CCDC171: variants seen among roughly 807,000 people sequenced by gnomAD.
CCDC171 encodes coiled-coil domain-containing protein 171.
CCDC171 carries 177 observed loss-of-function variants against 168.2 expected under a neutral mutation model. The observed-to-expected ratio is 1.05, with a 90% CI of 0.93 to 1.19. CCDC171 has a LOEUF of 1.19. Ranked by LOEUF, CCDC171 falls within the 50% of genes most tolerant of loss-of-function variation. The pLI, the probability that CCDC171 is intolerant of heterozygous loss-of-function variation, is 0.00. For missense variants in CCDC171, 1,991 were observed against 1,539.0 expected (o/e 1.29, Z -4.91); for synonymous variants, 687 against 540.8 (o/e 1.27, Z -3.75).
At chr9:15,692,224 A>T (rs1015525433) in intron 10 of CCDC171, among the ~76,000 whole-genome samples, 11 of 151,990 alleles carry the variant, frequency 7.2e-5, no homozygotes, top group African/African-American at 2.7e-4. Flanking sequence ...AAAAACACAA[A>T]AATTAGCTGG....
intron 11 of CCDC171, among the ~76,000 whole-genome samples, chr9:15,712,926 T>C (rs1229899003): frequency 6.6e-6 from 1 of 152,220 alleles, no homozygotes; most frequent in Non-Finnish European, 1.5e-5. Context: ...TTGATATCCA[T>C]AGAATACTTC....
intron 9 of CCDC171, among the ~76,000 whole-genome samples, chr9:15,671,723 G>A (rs2049126437): frequency 6.6e-6 from 1 of 152,124 alleles, no homozygotes. Flanking sequence ...ATTCCATAGT[G>A]TATATGTGCC....
Position 15,774,096 on chromosome 9 carries a change from A to G in CCDC171, c.2672-3504A>G, listed in dbSNP as rs181638602. Among the ~76,000 whole-genome samples the G allele has an allele frequency of 5.8e-3, 875 of 151,936 alleles. 3 individuals are homozygous for G. Among genetic ancestry groups the G allele is most frequent in the Non-Finnish European group, 9.8e-3 (666 of 67,956 alleles). The stretch of plus-strand genomic sequence containing the variant: ...CCCTGTCTCTACTAAAAATATAAAA[A>G]TTAGCTGGGTGTGGTGGTGGGCATC... On this transcript the variant is annotated intron_variant, in intron 18 of 25. Transcript: ENST00000380701.
Position 15,795,674 on chromosome 9 carries a change from C to A in CCDC171, c.3267+10980C>A, listed in dbSNP as rs141846890. ...TTAAGCCTCAGAGACTAGGAGAGAT[C>A]TACCTGTGTAAAGCTAGGCATCTGG... On this transcript the variant is annotated intron_variant, in intron 21 of 25. Transcript: ENST00000380701. Among the ~76,000 whole-genome samples the A allele has an allele frequency of 2.6e-5, 4 of 152,298 alleles. No homozygotes were observed. The East Asian group carries it at 7.7e-4, about 29-fold the overall frequency.
In CCDC171 at chr9:15,578,986, A is replaced by G. The variant is rs1212770539; in HGVS notation, c.315A>G (p.Arg105=). The G allele has an allele frequency of 3.5e-5, 56 of 1,613,972 alleles. No homozygotes were observed. Among genetic ancestry groups the G allele is most frequent in the Non-Finnish European group, 4.6e-5 (54 of 1,179,998 alleles). The change falls in exon 4 of 26, where the codon AGA becomes AGG. Residue 105 remains arginine (R), a synonymous_variant. Coordinates refer to ENST00000380701, the MANE Select transcript of CCDC171 (RefSeq NM_173550.4). ...AGLGRRAAEE[R]LAEAHRIQEK... The stretch of plus-strand genomic sequence containing the variant: ...TTGGAAGACGGGCTGCTGAAGAAAG[A>G]TTAGCCGAGGCACATAGGATCCAAG...
intron 24 of CCDC171, among the ~76,000 whole-genome samples, chr9:15,893,287 G>A (rs928241138): frequency 6.6e-6 from 1 of 152,056 alleles, no homozygotes; most frequent in Non-Finnish European, 1.5e-5. Flanking sequence ...ATTAACTCAA[G>A]ATGGATTAAA....
chr9:15,873,880 A>G (rs952175799), intron 23 of CCDC171, among the ~76,000 whole-genome samples: 3 of 152,062 alleles, frequency 2.0e-5, no homozygotes, highest in African/African-American at 7.2e-5. Context: ...ATAGAGTACA[A>G]ATACTACTGA....
At chr9:16,068,577 A>G in the CCDC171 span, among the ~76,000 whole-genome samples, 1 of 152,122 alleles carries the variant, frequency 6.6e-6, no homozygotes, top group Non-Finnish European at 1.5e-5. Flanking sequence ...AAGTTATTTA[A>G]CTTTTCCGCT....
At chr9:16,007,791 G>A (rs200187274) in intron 3 of CCDC171, among the ~76,000 whole-genome samples, 2 of 152,104 alleles carry the variant, frequency 1.3e-5, no homozygotes, top group African/African-American at 2.4e-5. Context: ...ATTGGTCTAT[G>A]TCTCTGTTTT....
At chr9:15,616,193 C>T (rs549853249) in intron 6 of CCDC171, among the ~76,000 whole-genome samples, 33 of 152,122 alleles carry the variant, frequency 2.2e-4, no homozygotes, top group African/African-American at 7.7e-4. Context: ...CTCAAGTGAT[C>T]TGCCCCCTTT....
intron 18 of CCDC171, among the ~76,000 whole-genome samples, chr9:15,753,992 A>T (rs180924643): frequency 6.6e-6 from 1 of 152,180 alleles, no homozygotes; most frequent in African/African-American, 2.4e-5. Flanking sequence ...GTTTGTTTAT[A>T]TAATATTTTT....
intron 7 of CCDC171, among the ~76,000 whole-genome samples, 188 bp downstream of exon 7, chr9:15,623,601 G>C (rs990895867): frequency 3.3e-5 from 5 of 150,766 alleles, no homozygotes; most frequent in African/African-American, 1.2e-4. Flanking sequence ...TGTATATTTG[G>C]CTTCTTTGAA....
At chr9:15,594,687 T>C (rs983017595) in intron 6 of CCDC171, among the ~76,000 whole-genome samples, 4 of 152,158 alleles carry the variant, frequency 2.6e-5, no homozygotes, top group African/African-American at 9.6e-5. Context: ...GATGGAGATT[T>C]GGAAGTTACT....
chr9:15,821,953 C>T lies in CCDC171; in HGVS notation c.3268-24749C>T, dbSNP rs1487238860. 1.3e-5 allele frequency among the ~76,000 whole-genome samples: 2 copies of T among 151,988 alleles called. 1 individual carries two copies. The highest frequency in any genetic ancestry group is 2.9e-5 in the Non-Finnish European group (2 of 67,980). On this transcript the variant is annotated intron_variant, in intron 21 of 25. Coordinates refer to ENST00000380701, the MANE Select transcript of CCDC171 (RefSeq NM_173550.4). ...AAACTATACAACAAGGCTACAGTAA[C>T]CAAAACACCATGGTAGTATTACCAA...
chr9:15,774,844 T>G (rs1488153834), intron 18 of CCDC171, among the ~76,000 whole-genome samples: 2 of 152,166 alleles, frequency 1.3e-5, no homozygotes, highest in African/African-American at 4.8e-5. Flanking sequence ...CTAAGTGAAG[T>G]AACTCAGGAA....
chr9:15,681,197 A>ATG (rs1282690445), intron 10 of CCDC171, among the ~76,000 whole-genome samples: 1 of 152,154 alleles, frequency 6.6e-6, no homozygotes, highest in African/African-American at 2.4e-5. Context: ...TGTTTTGATA[A>ATG]TGATGCTGAA....
At chr9:15,574,463 G>C (rs1356033573) in intron 3 of CCDC171, among the ~76,000 whole-genome samples, 1 of 151,894 alleles carries the variant, frequency 6.6e-6, no homozygotes, top group African/African-American at 2.4e-5. Flanking sequence ...ATTTTTAGTG[G>C]AGACGGAGTT....
chr9:15,640,388 A>G (rs1363883362), intron 7 of CCDC171, among the ~76,000 whole-genome samples: 1 of 152,074 alleles, frequency 6.6e-6, no homozygotes, highest in Non-Finnish European at 1.5e-5. Flanking sequence ...TAGGAGAGCT[A>G]CTTAAAAAAA....
At chr9:15,946,326 A>T (rs1828378154) in intron 25 of CCDC171, among the ~76,000 whole-genome samples, 2 of 151,958 alleles carry the variant, frequency 1.3e-5, no homozygotes, top group Non-Finnish European at 2.9e-5. Context: ...GCAAAGTCTC[A>T]GGATACAAAA....
Sources: allele counts gnomAD v4.1 joint callset (sites outside exome capture counted in the v4.1 genomes callset), GRCh38; gene constraint gnomAD v4.1.1; transcripts MANE v1.5; gene names NCBI Gene and HGNC (gene_info 2026-07-23, HGNC 2026-07-21).